Variants in JAZF1 observed in about 807,000 individuals in gnomAD.
JAZF1 encodes juxtaposed with another zinc finger protein 1.
Under a neutral mutation model 26.4 loss-of-function variants are expected in JAZF1, and 8 were observed. That is an observed-to-expected ratio of 0.30 (90% CI 0.18 to 0.55). The LOEUF is 0.55. JAZF1 is among the 20% of genes least tolerant of loss of function. The pLI, the probability that JAZF1 is intolerant of heterozygous loss-of-function variation, is 0.94. For synonymous variants in JAZF1, 126 were observed against 122.3 expected, an observed-to-expected ratio of 1.03 and a Z score of -0.20; for missense variants, 199 against 322.0, an observed-to-expected ratio of 0.62 and a Z score of 2.92.
At chr7:27,857,318 C>T (rs1039934103) in intron 3 of JAZF1, among the ~76,000 whole-genome samples, 4 of 152,220 alleles carry the variant, frequency 2.6e-5, no homozygotes, top group East Asian at 3.9e-4. Context: ...CGGGGACCGC[C>T]GAGCCCACGC....
chr7:28,143,426 A>G (rs1312088778), intron 1 of JAZF1, among the ~76,000 whole-genome samples: 2 of 152,132 alleles, frequency 1.3e-5, no homozygotes, highest in Non-Finnish European at 2.9e-5. Context: ...CCTTGAACAT[A>G]TACACCCTCC....
At chr7:27,942,234 G>A (rs1223359964) in intron 2 of JAZF1, among the ~76,000 whole-genome samples, 2 of 152,208 alleles carry the variant, frequency 1.3e-5, no homozygotes, top group Non-Finnish European at 2.9e-5. Context: ...CATGCACCTT[G>A]CACAATGTCT....
At chr7:28,039,611 T>A (rs1344211106) in intron 1 of JAZF1, among the ~76,000 whole-genome samples, 1 of 152,194 alleles carries the variant, frequency 6.6e-6, no homozygotes, top group Admixed American at 6.5e-5. Context: ...TACAGCATCT[T>A]GGGGACAAGT....
intron 3 of JAZF1, among the ~76,000 whole-genome samples, chr7:27,876,421 C>A (rs2214561): frequency 0.17 from 25,926 of 152,144 alleles, 2,917 homozygotes; most frequent in East Asian, 0.48. Context: ...GAGGGGCATA[C>A]CATCCCTTTC....
chr7:28,143,035 C>T (rs541687705), intron 1 of JAZF1, among the ~76,000 whole-genome samples: 1 of 152,326 alleles, frequency 6.6e-6, no homozygotes, highest in South Asian at 2.1e-4. Flanking sequence ...CTGAGATCGT[C>T]ACTGGGCCAC....
At chr7:27,920,942 T>G (rs1477236241) in intron 2 of JAZF1, among the ~76,000 whole-genome samples, 1 of 152,254 alleles carries the variant, frequency 6.6e-6, no homozygotes, top group Admixed American at 6.5e-5. Context: ...CATGAAATCA[T>G]GCCACTTAAT....
At chr7:27,889,797 T>C (rs1783938145) in intron 3 of JAZF1, among the ~76,000 whole-genome samples, 1 of 151,956 alleles carries the variant, frequency 6.6e-6, no homozygotes, top group East Asian at 1.9e-4. Context: ...CTGGGTGGTG[T>C]TGATGCGCAC....
chr7:28,001,665 C>A (rs1786165251), intron 1 of JAZF1, among the ~76,000 whole-genome samples: 1 of 152,168 alleles, frequency 6.6e-6, no homozygotes, highest in Admixed American at 6.5e-5. Context: ...TGGCAAGAGA[C>A]CTGAAATGCA....
chr7:28,070,662 C>G (rs1403804394), intron 1 of JAZF1, among the ~76,000 whole-genome samples: 1 of 152,208 alleles, frequency 6.6e-6, no homozygotes, highest in Non-Finnish European at 1.5e-5. Context: ...TCCCTCCAAG[C>G]CCTGCAATGT....
intron 1 of JAZF1, among the ~76,000 whole-genome samples, chr7:28,070,441 T>C (rs1340639973): frequency 1.3e-5 from 2 of 152,244 alleles, no homozygotes; most frequent in East Asian, 1.9e-4. Context: ...GCAAAGGTTT[T>C]GTGAAATATG....
intron 3 of JAZF1, among the ~76,000 whole-genome samples, chr7:27,851,177 A>C (rs1239226521): frequency 6.6e-6 from 1 of 152,168 alleles, no homozygotes. Flanking sequence ...CCCTAACCTT[A>C]GGTGATCCAC....
intron 2 of JAZF1, among the ~76,000 whole-genome samples, chr7:27,964,788 C>T (rs1381498621): frequency 6.6e-6 from 1 of 151,726 alleles, no homozygotes; most frequent in Non-Finnish European, 1.5e-5. Context: ...ACCTCAGATG[C>T]CAACAATGGT....
At chr7:28,122,160 C>G (rs17156421) in intron 1 of JAZF1, among the ~76,000 whole-genome samples, 1 of 152,132 alleles carries the variant, frequency 6.6e-6, no homozygotes. Context: ...ATTTTAGTTT[C>G]TTGGGGGAAA....
chr7:27,940,638 T>G (rs979283094), intron 2 of JAZF1, among the ~76,000 whole-genome samples: 1 of 152,160 alleles, frequency 6.6e-6, no homozygotes, highest in African/African-American at 2.4e-5. Flanking sequence ...GACTGCTGCA[T>G]CTTGGGTGGG....
At chr7:27,915,582 T>C (rs1306101932) in intron 2 of JAZF1, among the ~76,000 whole-genome samples, 1 of 152,262 alleles carries the variant, frequency 6.6e-6, no homozygotes, top group Non-Finnish European at 1.5e-5. Context: ...AGAACAGGTT[T>C]ATTATCCTGA....
intron 2 of JAZF1, among the ~76,000 whole-genome samples, chr7:27,898,285 TC>T (rs1784104272): frequency 4.2e-5 from 1 of 23,738 alleles, no homozygotes; most frequent in Non-Finnish European, 9.6e-5. Context: ...TACGTCTAAC[TC>T]ATATATATAT....
chr7:28,022,023 C>A (rs1054714597), intron 1 of JAZF1, among the ~76,000 whole-genome samples: 1 of 152,156 alleles, frequency 6.6e-6, no homozygotes, highest in Non-Finnish European at 1.5e-5. Flanking sequence ...GGACAAATGA[C>A]TGGGAAAAGG....
At chr7:28,150,755 C>T (rs1456466147) in intron 1 of JAZF1, among the ~76,000 whole-genome samples, 1 of 152,228 alleles carries the variant, frequency 6.6e-6, no homozygotes, top group Non-Finnish European at 1.5e-5. Context: ...GCTTCTCATG[C>T]TACAGGCCAC....
rs374542901 is a variant in JAZF1, at chr7:28,119,840, C to T, written c.115+60623G>A. On this transcript the variant is annotated intron_variant, in intron 1 of 4. Transcript: ENST00000283928. The stretch of plus-strand genomic sequence containing the variant: ...AAACTCTTGCTTAATCTTGTCTTAA[C>T]CTGTTTTCTCCTGCACCTTACCCCA... Among the ~76,000 whole-genome samples the T allele has an allele frequency of 3.9e-5, 6 of 152,314 alleles. No individual in the cohort carries two copies. In the South Asian group the frequency reaches 6.2e-4, roughly 16 times the overall value.
Sources: gnomAD v4.1 joint callset for allele counts (sites outside exome capture counted in the v4.1 genomes callset) on GRCh38, gnomAD v4.1.1 for gene constraint, MANE v1.5 for transcripts, NCBI Gene and HGNC (gene_info 2026-07-23, HGNC 2026-07-21) for gene names.